CSMD1: variants seen among roughly 807,000 people sequenced by gnomAD.
CSMD1 encodes CUB and Sushi multiple domains 1.
Under a neutral mutation model 417.5 loss-of-function variants are expected in CSMD1, and 213 were observed. The observed-to-expected ratio is 0.51, with a 90% CI of 0.46 to 0.57. CSMD1 has a LOEUF of 0.57. CSMD1 is among the 20% of genes least tolerant of loss of function. The pLI is 0.00. For missense variants in CSMD1, 6,923 were observed against 4,529.7 expected (o/e 1.53, Z -15.17); for synonymous variants, 2,862 against 1,736.8 (o/e 1.65, Z -16.11).
At chr8:3,347,422 G>C (rs1370275755) in intron 22 of CSMD1, among the ~76,000 whole-genome samples, 1 of 152,190 alleles carries the variant, frequency 6.6e-6, no homozygotes, top group Non-Finnish European at 1.5e-5. Context: ...TCAATATTGA[G>C]ATTCTGTCTT....
At chr8:3,109,807 CGT>C (rs1816383363) in intron 43 of CSMD1, among the ~76,000 whole-genome samples, 1 of 151,534 alleles carries the variant, frequency 6.6e-6, no homozygotes, top group Admixed American at 6.6e-5. Context: ...CAAACACACA[CGT>C]AAGCCACACA....
At chr8:4,382,465 C>G (rs750001048) in intron 3 of CSMD1, among the ~76,000 whole-genome samples, 5 of 152,052 alleles carry the variant, frequency 3.3e-5, no homozygotes, top group Non-Finnish European at 7.3e-5. Flanking sequence ...ATAATATAGA[C>G]CATTAACTCT....
chr8:3,626,207 A>C (rs1206643746), intron 7 of CSMD1, among the ~76,000 whole-genome samples: 2 of 152,166 alleles, frequency 1.3e-5, no homozygotes, highest in Admixed American at 6.5e-5. Flanking sequence ...AGTGACTGTC[A>C]CCTGGGGAGA....
At chr8:4,286,315 C>G (rs1482019652) in intron 3 of CSMD1, among the ~76,000 whole-genome samples, 2 of 152,110 alleles carry the variant, frequency 1.3e-5, no homozygotes, top group Non-Finnish European at 2.9e-5. Flanking sequence ...TTGTTCTTGT[C>G]ACTTTGGAAC....
At chr8:3,399,557 G>A (rs534814963) in intron 15 of CSMD1, 28 bp from the exon 16 acceptor site, 7 of 1,537,068 alleles carry the variant, frequency 4.6e-6, no homozygotes, top group Non-Finnish European at 6.1e-6. Flanking sequence ...ATATCTATTA[G>A]ATCCAATGAG....
intron 25 of CSMD1, chr8:3,284,663 T>A: frequency 3.4e-6 from 1 of 293,722 alleles, no homozygotes; most frequent in Non-Finnish European, 6.6e-6. Flanking sequence ...TTAAGCTTTC[T>A]ACGGCACACA....
chr8:4,428,458 A>C (rs930880263), intron 2 of CSMD1, among the ~76,000 whole-genome samples: 1 of 152,198 alleles, frequency 6.6e-6, no homozygotes. Context: ...TTTTCACATT[A>C]ATTTCTGGAG....
At chr8:4,268,161 A>G (rs972491276) in intron 3 of CSMD1, among the ~76,000 whole-genome samples, 12 of 152,184 alleles carry the variant, frequency 7.9e-5, no homozygotes, top group Admixed American at 6.5e-4. Flanking sequence ...GTATTTTCAC[A>G]ACAACTTAAT....
intron 1 of CSMD1, among the ~76,000 whole-genome samples, chr8:4,958,077 G>T (rs1227128109): frequency 2.0e-5 from 3 of 152,180 alleles, no homozygotes; most frequent in Non-Finnish European, 4.4e-5. Context: ...TCATGTATTT[G>T]AGTGTTCATA....
At position 3,668,029 on chromosome 8, in the gene CSMD1, C is replaced by A. The variant is rs556322344; in HGVS notation, c.1009+40385G>T. Among the ~76,000 whole-genome samples the A allele has an allele frequency of 1.4e-4, 22 of 152,242 alleles. 1 individual carries two copies. In the South Asian group the frequency reaches 3.9e-3, roughly 27 times the overall value. ...GCGCCTCAGAGCAAGCTGGCTTCTC[C>A]CCCAGTCCCCATCCCAAGGATGAGC... On this transcript the variant is annotated intron_variant, in intron 7 of 69. Coordinates refer to ENST00000635120, the MANE Select transcript of CSMD1 (RefSeq NM_033225.6).
intron 5 of CSMD1, among the ~76,000 whole-genome samples, chr8:3,962,477 C>A (rs546792024): frequency 4.6e-5 from 7 of 152,122 alleles, no homozygotes; most frequent in African/African-American, 1.7e-4. Flanking sequence ...GGATGTCACC[C>A]CCTGTTTATG....
At chr8:4,415,562 C>A (rs536024826) in intron 3 of CSMD1, among the ~76,000 whole-genome samples, 84 of 152,338 alleles carry the variant, frequency 5.5e-4, no homozygotes, top group South Asian at 4.8e-3. Flanking sequence ...TTGAGTCACA[C>A]CAATTACACC....
At chr8:4,750,000 AAAT>A (rs1563287204) in intron 1 of CSMD1, among the ~76,000 whole-genome samples, 1 of 151,736 alleles carries the variant, frequency 6.6e-6, no homozygotes, top group Admixed American at 6.6e-5. Context: ...ATTGAAAAAA[AAAT>A]AATAATTATT....
chr8:3,977,252 T>A (rs1035459819), intron 5 of CSMD1, among the ~76,000 whole-genome samples: 1 of 152,170 alleles, frequency 6.6e-6, no homozygotes, highest in Non-Finnish European at 1.5e-5. Context: ...CCACCTATGA[T>A]AATTTCCCAC....
intron 3 of CSMD1, among the ~76,000 whole-genome samples, chr8:4,059,963 T>A (rs4416841): frequency 0.85 from 129,339 of 151,942 alleles, 55,780 homozygotes; most frequent in Admixed American, 0.93. Context: ...ATCATCCTGA[T>A]ACCAAAGCCG....
chr8:4,431,367 G>A (rs1797864026), intron 2 of CSMD1, among the ~76,000 whole-genome samples: 1 of 152,084 alleles, frequency 6.6e-6, no homozygotes, highest in Admixed American at 6.6e-5. Context: ...CCAATAGTTG[G>A]GAGGAATTCA....
At chr8:3,098,863 G>T (rs1426540235) in intron 46 of CSMD1, among the ~76,000 whole-genome samples, 1 of 151,764 alleles carries the variant, frequency 6.6e-6, no homozygotes, top group Non-Finnish European at 1.5e-5. Context: ...CCCCCTCAGG[G>T]TTTTAATTAG....
chr8:3,088,567 T>C (rs539637277), intron 48 of CSMD1, among the ~76,000 whole-genome samples: 4 of 152,232 alleles, frequency 2.6e-5, no homozygotes, highest in African/African-American at 7.2e-5. Context: ...TTGTCAACCA[T>C]GTTCCTACGA....
At chr8:3,691,545 G>C (rs1460204448) in intron 7 of CSMD1, among the ~76,000 whole-genome samples, 1 of 152,172 alleles carries the variant, frequency 6.6e-6, no homozygotes, top group Non-Finnish European at 1.5e-5. Context: ...GGACCTACCT[G>C]AATGAATAAT....
Sources: allele counts gnomAD v4.1 joint callset (sites outside exome capture counted in the v4.1 genomes callset), GRCh38; gene constraint gnomAD v4.1.1; transcripts MANE v1.5; gene names NCBI Gene and HGNC (gene_info 2026-07-23, HGNC 2026-07-21).